DIAPH3: variants seen among roughly 807,000 people sequenced by gnomAD.
DIAPH3 encodes diaphanous related formin 3.
In DIAPH3, 117 loss-of-function variants were observed where a neutral mutation model predicts 144.3. The ratio of observed to expected loss-of-function variants is 0.81; its 90% CI spans 0.70 to 0.95. The LOEUF is 0.95. DIAPH3 is among the 40% of genes least tolerant of loss of function. DIAPH3 has a pLI of 0.00. For missense variants in DIAPH3, 1,421 were observed against 1,412.7 expected (o/e 1.01, Z -0.09); for synonymous variants, 519 against 488.9 (o/e 1.06, Z -0.81).
In DIAPH3 at chr13:60,112,126, T is replaced by G. The variant is rs375581334; in HGVS notation, c.274A>C (p.Asn92His). ...GSKKERPPLP[N>H]LKTAFASSDC... The stretch of plus-strand genomic sequence containing the variant: ...CTGCTTGCAAATGCAGTCTTCAGGT[T>G]GGGAAGTGGAGGTCTCTCTTTCTTG... The change falls in exon 3 of 28, where the codon AAC (asparagine) becomes CAC (histidine). Residue 92 changes from asparagine to histidine, a missense_variant. Transcript: ENST00000400324. The G allele has an allele frequency of 6.2e-7, 1 of 1,614,064 alleles. No individual in the cohort carries two copies. The highest frequency in any genetic ancestry group is 1.3e-5 in the African/African-American group (1 of 74,942).
chr13:59,813,157 T>C (rs773790290), intron 24 of DIAPH3, among the ~76,000 whole-genome samples: 5 of 151,662 alleles, frequency 3.3e-5, no homozygotes, highest in Non-Finnish European at 7.4e-5. Context: ...AAAAAAAAAG[T>C]TTAATCTGGC....
intron 25 of DIAPH3, among the ~76,000 whole-genome samples, chr13:59,779,599 C>T (rs1234934945): frequency 6.6e-6 from 1 of 151,732 alleles, no homozygotes; most frequent in African/African-American, 2.4e-5. Context: ...GCAACCTCTG[C>T]CTCCCGGGTC....
chr13:59,932,535 GT>G (rs2048069835), intron 17 of DIAPH3, among the ~76,000 whole-genome samples: 1 of 151,908 alleles, frequency 6.6e-6, no homozygotes, highest in South Asian at 2.1e-4. Flanking sequence ...AGGTGTCACA[GT>G]TTAAAAAAAA....
At chr13:59,810,991 T>C (rs1308486575) in intron 24 of DIAPH3, 68 bp from the exon 25 acceptor site, 1 of 1,380,210 alleles carries the variant, frequency 7.2e-7, no homozygotes, top group Non-Finnish European at 1.0e-6. Flanking sequence ...AAGTTATCTA[T>C]TTGAAAATAT....
At chr13:59,681,399 C>A (rs530305275) in intron 27 of DIAPH3, among the ~76,000 whole-genome samples, 1 of 152,244 alleles carries the variant, frequency 6.6e-6, no homozygotes, top group South Asian at 2.1e-4. Context: ...ATCACTCAAG[C>A]CTGGGAGGTT....
chr13:59,967,069 T>A (rs563470651), intron 17 of DIAPH3, among the ~76,000 whole-genome samples: 2 of 151,850 alleles, frequency 1.3e-5, no homozygotes, highest in Non-Finnish European at 2.9e-5. Context: ...GTTTTTTTGT[T>A]TTTTTGTGTT....
At chr13:60,016,294 CATCTT>C (rs1421194843) in intron 5 of DIAPH3, 149 bp from the exon 6 acceptor site, 10 of 800,640 alleles carry the variant, frequency 1.2e-5, no homozygotes, top group East Asian at 1.1e-4. Flanking sequence ...ATTCATGACT[CATCTT>C]AGTTGTGAAA....
chr13:60,066,825 C>G (rs1394672611), intron 4 of DIAPH3, among the ~76,000 whole-genome samples: 1 of 152,170 alleles, frequency 6.6e-6, no homozygotes, highest in Non-Finnish European at 1.5e-5. Context: ...AGCTTACATT[C>G]ATTTTAGATT....
At chr13:60,044,715 T>A (rs1232718777) in intron 4 of DIAPH3, among the ~76,000 whole-genome samples, 1 of 152,212 alleles carries the variant, frequency 6.6e-6, no homozygotes, top group Non-Finnish European at 1.5e-5. Flanking sequence ...TTTGCATATA[T>A]TTATATTTTA....
At chr13:59,997,259 G>A (rs2052261103) in intron 9 of DIAPH3, among the ~76,000 whole-genome samples, 1 of 151,920 alleles carries the variant, frequency 6.6e-6, no homozygotes, top group Non-Finnish European at 1.5e-5. Context: ...ACATCCATGT[G>A]ATCACAATTT....
chr13:59,896,927 G>A (rs2046135367), intron 20 of DIAPH3, among the ~76,000 whole-genome samples: 1 of 152,248 alleles, frequency 6.6e-6, no homozygotes, highest in Middle Eastern at 3.4e-3. Flanking sequence ...ATGCTCATCA[G>A]TTAGTATCTA....
intron 20 of DIAPH3, among the ~76,000 whole-genome samples, chr13:59,905,342 C>CAAAAAAAAAA (rs59114311): frequency 0.01 from 720 of 69,720 alleles, 25 homozygotes; most frequent in Non-Finnish European, 0.014. Flanking sequence ...GACTCTGTCT[C>CAAAAAAAAAA]AAAAAAAAAA....
At chr13:60,072,123 AT>A (rs1312315164) in intron 4 of DIAPH3, among the ~76,000 whole-genome samples, 4 of 152,118 alleles carry the variant, frequency 2.6e-5, no homozygotes, top group African/African-American at 9.7e-5. Flanking sequence ...GCTCTTACAA[AT>A]GACCATCAGG....
intron 2 of DIAPH3, among the ~76,000 whole-genome samples, chr13:60,125,132 A>C (rs991169027): frequency 1.3e-5 from 2 of 152,194 alleles, no homozygotes; most frequent in Admixed American, 1.3e-4. Flanking sequence ...ACTCTTTAGC[A>C]CATAGCTAAC....
At chr13:59,890,574 C>T (rs747200183) in intron 20 of DIAPH3, among the ~76,000 whole-genome samples, 4 of 151,360 alleles carry the variant, frequency 2.6e-5, no homozygotes, top group Non-Finnish European at 2.9e-5. Flanking sequence ...CTATAATTTC[C>T]GTTTTTAAAA....
At chr13:59,866,388 A>T (rs2139969191) in intron 21 of DIAPH3, among the ~76,000 whole-genome samples, 1 of 152,184 alleles carries the variant, frequency 6.6e-6, no homozygotes, top group Admixed American at 6.6e-5. Flanking sequence ...TAGTTCCTTT[A>T]CAGCAATCTT....
intron 27 of DIAPH3, among the ~76,000 whole-genome samples, chr13:59,755,049 G>A (rs1195540981): frequency 2.6e-5 from 4 of 152,040 alleles, no homozygotes; most frequent in African/African-American, 4.8e-5. Context: ...TGAACTATAC[G>A]TTCAATGTTT....
At chr13:59,741,418 A>G (rs2036439499) in intron 27 of DIAPH3, among the ~76,000 whole-genome samples, 1 of 152,188 alleles carries the variant, frequency 6.6e-6, no homozygotes, top group South Asian at 2.1e-4. Context: ...CGTGTATCTC[A>G]GAGAGACAAA....
Position 59,980,682 on chromosome 13 carries a change from A to T in DIAPH3, c.1545+113T>A. On this transcript the variant is annotated intron_variant, in intron 14 of 27. Transcript: ENST00000400324. ...TCCTTGGTGGAGGGCATCTATGCAC[A>T]CACCTGAAGCAGATAAAGAAGAAAG... 6.1e-6 allele frequency: 6 copies of T among 975,778 alleles called. No individual in the cohort carries two copies. The South Asian group carries it at 6.8e-5, about 11-fold the overall frequency. 60.4% of individuals were successfully genotyped at this position (975,778 alleles called of 1,614,324 possible).
Sources: allele counts gnomAD v4.1 joint callset (sites outside exome capture counted in the v4.1 genomes callset), GRCh38; gene constraint gnomAD v4.1.1; transcripts MANE v1.5; gene names NCBI Gene and HGNC (gene_info 2026-07-23, HGNC 2026-07-21).